Variants in DLC1 observed in about 807,000 individuals in gnomAD.
DLC1 encodes DLC1 Rho GTPase activating protein.
A neutral mutation model predicts 140.3 loss-of-function variants in DLC1; 54 were observed. The observed-to-expected ratio is 0.38, with a 90% CI of 0.31 to 0.48. The LOEUF (loss-of-function observed/expected upper bound fraction) is 0.48, where lower values mean the gene tolerates loss of function less well. DLC1 is among the 20% of genes least tolerant of loss of function. The pLI is 0.96. For missense variants in DLC1, 2,536 were observed against 1,907.0 expected (o/e 1.33, Z -6.14); for synonymous variants, 986 against 728.1 (o/e 1.35, Z -5.70).
intron 2 of DLC1, among the ~76,000 whole-genome samples, chr8:13,442,021 A>G (rs1046817798): frequency 6.6e-6 from 1 of 152,244 alleles, no homozygotes; most frequent in African/African-American, 2.4e-5. Context: ...GACCAATGGA[A>G]TAGAACAGAG....
At chr8:13,175,887 C>G (rs958637330) in intron 5 of DLC1, among the ~76,000 whole-genome samples, 2 of 152,206 alleles carry the variant, frequency 1.3e-5, no homozygotes, top group African/African-American at 2.4e-5. Flanking sequence ...CCCTCTCCTT[C>G]TCCAGTCCCT....
intron 1 of DLC1, among the ~76,000 whole-genome samples, chr8:13,500,402 G>C (rs1421609461): frequency 6.6e-6 from 1 of 152,094 alleles, no homozygotes; most frequent in Non-Finnish European, 1.5e-5. Flanking sequence ...AAAATCATCA[G>C]CAATACTTTT....
intron 5 of DLC1, among the ~76,000 whole-genome samples, chr8:13,118,382 T>C (rs1244207017): frequency 6.6e-6 from 1 of 152,190 alleles, no homozygotes; most frequent in Non-Finnish European, 1.5e-5. Context: ...ACAGCAGAGA[T>C]CTAGTCATCT....
intron 1 of DLC1, among the ~76,000 whole-genome samples, chr8:13,528,128 A>C (rs953806438): frequency 6.6e-6 from 1 of 152,116 alleles, no homozygotes; most frequent in African/African-American, 2.4e-5. Context: ...AGAATCAAGG[A>C]ATACAACGAT....
chr8:13,185,529 G>A (rs190472396), intron 5 of DLC1, among the ~76,000 whole-genome samples: 60 of 152,068 alleles, frequency 3.9e-4, no homozygotes, highest in African/African-American at 1.4e-3. Flanking sequence ...GGATGATCTC[G>A]ACCTCCTGAC....
At chr8:13,476,322 T>A (rs569039431) in intron 2 of DLC1, among the ~76,000 whole-genome samples, 1 of 152,176 alleles carries the variant, frequency 6.6e-6, no homozygotes, top group Admixed American at 6.5e-5. Flanking sequence ...AAAATCTGGA[T>A]TGAGGTTTTG....
intron 4 of DLC1, among the ~76,000 whole-genome samples, chr8:13,356,740 C>G (rs1396768787): frequency 6.6e-6 from 1 of 152,150 alleles, no homozygotes; most frequent in African/African-American, 2.4e-5. Flanking sequence ...TTTCTGAAAG[C>G]CATGTGGCTA....
intron 5 of DLC1, among the ~76,000 whole-genome samples, chr8:13,266,862 G>C (rs1830709250): frequency 1.3e-5 from 2 of 152,150 alleles, no homozygotes; most frequent in Admixed American, 6.5e-5. Context: ...ACATTAGAAG[G>C]CCTGATAACT....
chr8:13,232,432 C>T (rs1171251238), intron 5 of DLC1, among the ~76,000 whole-genome samples: 1 of 152,062 alleles, frequency 6.6e-6, no homozygotes, highest in Non-Finnish European at 1.5e-5. Context: ...CTCCCGGGTT[C>T]AAGCGATTCT....
chr8:13,355,495 C>T (rs1362950003), intron 4 of DLC1, among the ~76,000 whole-genome samples: 3 of 152,186 alleles, frequency 2.0e-5, no homozygotes, highest in Non-Finnish European at 2.9e-5. Context: ...TTCTGCTTCT[C>T]GTGAGGGTTC....
chr8:13,514,955 G>C (rs1802535914), upstream of DLC1: 1 of 271,940 alleles, frequency 3.7e-6, no homozygotes. Flanking sequence ...GAAGAGAGGG[G>C]AGGAGGGGAG....
At chr8:13,573,750 C>G (rs1804745042) in intron 1 of DLC1, among the ~76,000 whole-genome samples, 1 of 152,142 alleles carries the variant, frequency 6.6e-6, no homozygotes, top group Non-Finnish European at 1.5e-5. Flanking sequence ...GTGCTCATAA[C>G]CTCACCTTTG....
At chr8:13,129,462 T>A (rs376049023) in intron 5 of DLC1, among the ~76,000 whole-genome samples, 38 of 152,336 alleles carry the variant, frequency 2.5e-4, no homozygotes, top group African/African-American at 9.1e-4. Flanking sequence ...GTGTCTTGAA[T>A]GACGTACAGA....
chr8:13,522,226 C>A (rs899846193), intron 1 of DLC1, among the ~76,000 whole-genome samples: 5 of 152,182 alleles, frequency 3.3e-5, no homozygotes, highest in Middle Eastern at 6.8e-3. Flanking sequence ...AGAGCTTTTA[C>A]AATGGAGAAG....
In DLC1 at chr8:13,122,356, C is replaced by T. The variant is rs527416290; in HGVS notation, c.1349-6699G>A. ...CTGAGGACGTACCAAGCTCTCATAC[C>T]TTAAGCCCTGAGTTCTCTCAAATGA... is the stretch of plus-strand genomic sequence containing the variant. On this transcript the variant is annotated intron_variant, in intron 5 of 17. Coordinates refer to ENST00000276297, the MANE Select transcript of DLC1 (RefSeq NM_182643.3). Among the ~76,000 whole-genome samples, 7 of 152,288 alleles carry T rather than the reference C, an allele frequency of 4.6e-5. No homozygotes were observed. The East Asian group carries it at 1.2e-3, about 25-fold the overall frequency.
chr8:13,213,164 A>G (rs959905548), intron 5 of DLC1, among the ~76,000 whole-genome samples: 8 of 152,194 alleles, frequency 5.3e-5, no homozygotes, highest in Admixed American at 6.5e-5. Flanking sequence ...CAGATAAGGA[A>G]TTTATAGGCT....
intron 5 of DLC1, among the ~76,000 whole-genome samples, chr8:13,170,531 C>G (rs764080093): frequency 9.9e-5 from 15 of 152,030 alleles, no homozygotes; most frequent in African/African-American, 2.2e-4. Flanking sequence ...GAAATCGAGA[C>G]CATCCTGGCC....
chr8:13,202,366 T>A (rs1827435835), intron 5 of DLC1, among the ~76,000 whole-genome samples: 1 of 152,240 alleles, frequency 6.6e-6, no homozygotes, highest in Non-Finnish European at 1.5e-5. Flanking sequence ...GTATAATGAT[T>A]AGATCAGATA....
chr8:13,401,548 A>G lies in DLC1; in HGVS notation c.1095T>C (p.Leu365=). ...MVLLIMKLDQ[L]DQDIENALST... ...TGAGGGCATTTTCTATGTCCTGATC[A>G]AGCTGGTCCAGTTTCATAATCAGCA... Residue 365 remains leucine, a synonymous_variant, in exon 3 of 18, where the codon CTT becomes CTC. Coordinates refer to ENST00000276297, the MANE Select transcript of DLC1 (RefSeq NM_182643.3). The G allele has an allele frequency of 6.2e-7, 1 of 1,613,580 alleles. No homozygotes were observed. Among genetic ancestry groups the G allele is most frequent in the Non-Finnish European group, 8.5e-7 (1 of 1,180,014 alleles).
Sources: allele counts gnomAD v4.1 joint callset (sites outside exome capture counted in the v4.1 genomes callset), GRCh38; gene constraint gnomAD v4.1.1; transcripts MANE v1.5; gene names NCBI Gene and HGNC (gene_info 2026-07-23, HGNC 2026-07-21).